Variants in MARCHF1 observed in about 807,000 individuals in gnomAD.
MARCHF1 encodes the protein membrane associated ring-CH-type finger 1.
MARCHF1 carries 40 observed loss-of-function variants against 54.2 expected under a neutral mutation model. The observed-to-expected ratio is 0.74, with a 90% CI of 0.57 to 0.96. The LOEUF is 0.96. Among genes scored for constraint, MARCHF1 ranks in the 40% least tolerant of loss-of-function variants. The pLI, the probability that MARCHF1 is intolerant of heterozygous loss-of-function variation, is 0.00. For synonymous variants in MARCHF1, 236 were observed against 236.3 expected (o/e 1.00, Z 0.01); for missense variants, 586 against 656.5 (o/e 0.89, Z 1.17).
At chr4:163,986,984 C>T (rs1361597452) in intron 3 of MARCHF1, among the ~76,000 whole-genome samples, 1 of 152,182 alleles carries the variant, frequency 6.6e-6, no homozygotes, top group Non-Finnish European at 1.5e-5. Flanking sequence ...TTTTCTTCAA[C>T]ATTATCTTAA....
At chr4:163,595,018 G>C (rs1560962841) in intron 7 of MARCHF1, among the ~76,000 whole-genome samples, 1 of 152,110 alleles carries the variant, frequency 6.6e-6, no homozygotes, top group Non-Finnish European at 1.5e-5. Context: ...CAGCATTATT[G>C]ACAAGAGTGA....
intron 3 of MARCHF1, among the ~76,000 whole-genome samples, chr4:163,958,175 C>G (rs956172794): frequency 6.6e-6 from 1 of 151,890 alleles, no homozygotes; most frequent in African/African-American, 2.4e-5. Context: ...TTTACCTTCT[C>G]TGACAGCTAT....
intron 2 of MARCHF1, among the ~76,000 whole-genome samples, chr4:164,033,184 A>G (rs1023064251): frequency 1.3e-5 from 2 of 151,978 alleles, no homozygotes; most frequent in African/African-American, 4.8e-5. Context: ...GGGAAAAAAA[A>G]AAAAAAAGAA....
At chr4:163,565,708 A>G (rs1739623145) in intron 8 of MARCHF1, among the ~76,000 whole-genome samples, 1 of 152,194 alleles carries the variant, frequency 6.6e-6, no homozygotes, top group African/African-American at 2.4e-5. Flanking sequence ...TCACCCCCAG[A>G]AGGATTCCAG....
In MARCHF1 at chr4:164,364,509, T is replaced by C. The variant is rs1730823641; in HGVS notation, c.-323+19361A>G. Among the ~76,000 whole-genome samples, 4 of 152,120 alleles carry C rather than the reference T, an allele frequency of 2.6e-5. No individual in the cohort carries two copies. The South Asian group carries it at 8.3e-4, about 31-fold the overall frequency. ...TAATGACAAATCTACTCATTTATTTTTGTGCTCATATTTAACGTTGAACAT... is the reference window on the plus strand; with the variant it reads ...TAATGACAAATCTACTCATTTATTTCTGTGCTCATATTTAACGTTGAACAT... On this transcript the variant is annotated intron_variant, in intron 1 of 9. Coordinates refer to ENST00000514618, the MANE Select transcript of MARCHF1 (RefSeq NM_001394959.1).
At chr4:163,945,794 T>C (rs534492809) in intron 3 of MARCHF1, among the ~76,000 whole-genome samples, 2 of 152,312 alleles carry the variant, frequency 1.3e-5, no homozygotes, top group Non-Finnish European at 2.9e-5. Flanking sequence ...CTCTGCTTTT[T>C]AGTCAGTTTA....
At chr4:164,145,136 T>A (rs1235145859) in intron 1 of MARCHF1, among the ~76,000 whole-genome samples, 1 of 150,402 alleles carries the variant, frequency 6.6e-6, no homozygotes, top group African/African-American at 2.4e-5. Context: ...AAGTTGAATC[T>A]CTGAATAGAC....
chr4:163,628,542 G>T (rs1302867208), intron 5 of MARCHF1, among the ~76,000 whole-genome samples: 1 of 152,136 alleles, frequency 6.6e-6, no homozygotes, highest in African/African-American at 2.4e-5. Flanking sequence ...TAGAAGCTCT[G>T]GCCATGGCCA....
intron 1 of MARCHF1, among the ~76,000 whole-genome samples, chr4:164,359,278 G>A (rs1156681353): frequency 6.6e-6 from 1 of 152,154 alleles, no homozygotes; most frequent in Non-Finnish European, 1.5e-5. Flanking sequence ...AATGTTTGGG[G>A]AAGAATTTGT....
chr4:163,812,326 C>T (rs1477147680), intron 4 of MARCHF1, among the ~76,000 whole-genome samples: 1 of 151,358 alleles, frequency 6.6e-6, no homozygotes, highest in Non-Finnish European at 1.5e-5. Context: ...TACATGTATA[C>T]ACATACATGT....
chr4:164,309,468 CTA>C (rs1185521311), intron 1 of MARCHF1, among the ~76,000 whole-genome samples: 1 of 152,156 alleles, frequency 6.6e-6, no homozygotes, highest in Admixed American at 6.5e-5. Flanking sequence ...ATGCTCATCT[CTA>C]GATCTAGTAC....
In MARCHF1 at chr4:163,623,439, G is replaced by A. The variant is rs1390731303; in HGVS notation, c.163-10046C>T. Reference sequence around the variant, plus strand: ...CTTTATAAGTGCCAACTAATGTTATGGTGAAAATGTCCTACATTGTATGAG... The same window carrying A: ...CTTTATAAGTGCCAACTAATGTTATAGTGAAAATGTCCTACATTGTATGAG... On this transcript the variant is annotated intron_variant, in intron 5 of 9. Coordinates refer to ENST00000514618, the MANE Select transcript of MARCHF1 (RefSeq NM_001394959.1). Among the ~76,000 whole-genome samples, 4 of 152,126 alleles carry A rather than the reference G, an allele frequency of 2.6e-5. No homozygotes were observed. In the East Asian group the frequency reaches 7.7e-4, roughly 29 times the overall value.
At chr4:164,277,574 T>C (rs560302706) in intron 1 of MARCHF1, among the ~76,000 whole-genome samples, 6 of 152,356 alleles carry the variant, frequency 3.9e-5, no homozygotes, top group South Asian at 2.1e-4. Flanking sequence ...AAGGATCGTC[T>C]TTCCACTTTT....
intron 4 of MARCHF1, among the ~76,000 whole-genome samples, chr4:163,826,630 A>C (rs1009355814): frequency 6.6e-6 from 1 of 152,114 alleles, no homozygotes; most frequent in Non-Finnish European, 1.5e-5. Flanking sequence ...CATAGTGTTC[A>C]TAGGGGAAAC....
At chr4:164,291,799 C>T (rs192764128) in intron 1 of MARCHF1, among the ~76,000 whole-genome samples, 232 of 152,052 alleles carry the variant, frequency 1.5e-3, no homozygotes, top group Admixed American at 3.8e-3. Context: ...TATGGGACCA[C>T]CCCTGAATAT....
At chr4:163,750,570 G>C (rs1410274608) in intron 4 of MARCHF1, among the ~76,000 whole-genome samples, 2 of 150,580 alleles carry the variant, frequency 1.3e-5, no homozygotes, top group African/African-American at 4.9e-5. Flanking sequence ...ATCTGACAAA[G>C]AGACCATAAG....
chr4:163,747,487 G>A (rs1208798412), intron 4 of MARCHF1, among the ~76,000 whole-genome samples: 1 of 152,210 alleles, frequency 6.6e-6, no homozygotes, highest in Non-Finnish European at 1.5e-5. Flanking sequence ...TTTGCTGACA[G>A]TTGAATTTGA....
chr4:163,549,964 G>T lies in MARCHF1; in HGVS notation c.1192-4221C>A, dbSNP rs550993059. ...TTGTTTAAATCTTTATACCAGTGAAGAATAAAGGCAGTTTATTTGTATAAC... is the reference window on the plus strand; with the variant it reads ...TTGTTTAAATCTTTATACCAGTGAATAATAAAGGCAGTTTATTTGTATAAC... On this transcript the variant is annotated intron_variant, in intron 8 of 9. Transcript: ENST00000514618. Among the ~76,000 whole-genome samples the T allele has an allele frequency of 6.6e-5, 10 of 152,306 alleles. No homozygotes were observed. The East Asian group carries it at 1.9e-3, about 29-fold the overall frequency.
chr4:164,363,835 T>G (rs1339385124), intron 1 of MARCHF1, among the ~76,000 whole-genome samples: 2 of 151,868 alleles, frequency 1.3e-5, no homozygotes, highest in Non-Finnish European at 2.9e-5. Flanking sequence ...TCATTAGCTC[T>G]CCTATTGAGT....
Sources: allele counts gnomAD v4.1 joint callset (sites outside exome capture counted in the v4.1 genomes callset), GRCh38; gene constraint gnomAD v4.1.1; transcripts MANE v1.5; gene names NCBI Gene and HGNC (gene_info 2026-07-23, HGNC 2026-07-21).